The following FBXO42 variants were observed in gnomAD, a reference collection of about 807,000 sequenced individuals.
The protein encoded by FBXO42 is F-box only protein 42.
FBXO42 carries 12 observed loss-of-function variants against 71.7 expected under a neutral mutation model. That is an observed-to-expected ratio of 0.17 (90% CI 0.11 to 0.27). The LOEUF is 0.27. Ranked by LOEUF, FBXO42 falls within the 10% of genes least tolerant of loss-of-function variation. The pLI is 1.00. For synonymous variants in FBXO42, 325 were observed against 327.5 expected (o/e 0.99, Z 0.08); for missense variants, 707 against 911.9 (o/e 0.78, Z 2.89).
intron 1 of FBXO42, among the ~76,000 whole-genome samples, chr1:16,338,221 A>G (rs945275698): frequency 6.6e-6 from 1 of 151,800 alleles, no homozygotes; most frequent in Non-Finnish European, 1.5e-5. Context: ...ATCATGCTCC[A>G]CTGCACTCCA....
intron 1 of FBXO42, among the ~76,000 whole-genome samples, chr1:16,331,583 T>C (rs532374875): frequency 3.3e-5 from 5 of 150,604 alleles, no homozygotes; most frequent in African/African-American, 1.2e-4. Context: ...GGTGAAACCC[T>C]GTCTCTGCTA....
At chr1:16,259,765 CAA>C (rs562076269) in intron 4 of FBXO42, among the ~76,000 whole-genome samples, 26 of 69,886 alleles carry the variant, frequency 3.7e-4, no homozygotes, top group Non-Finnish European at 4.1e-4. Context: ...GACTCTGTCT[CAA>C]AAAAAAAAAA....
chr1:16,289,262 G>A (rs951366438), intron 4 of FBXO42, among the ~76,000 whole-genome samples: 3 of 151,924 alleles, frequency 2.0e-5, no homozygotes, highest in African/African-American at 7.2e-5. Context: ...AAAATGTCCC[G>A]ATGTGGGGGT....
At chr1:16,333,044 A>G (rs1368447799) in intron 1 of FBXO42, among the ~76,000 whole-genome samples, 1 of 152,100 alleles carries the variant, frequency 6.6e-6, no homozygotes, top group Non-Finnish European at 1.5e-5. Context: ...TCTTGCAGAA[A>G]TACCGTACTC....
chr1:16,272,929 C>A (rs975125894), intron 4 of FBXO42, among the ~76,000 whole-genome samples: 7 of 152,156 alleles, frequency 4.6e-5, no homozygotes, highest in Non-Finnish European at 1.0e-4. Flanking sequence ...ATGTAAAGTT[C>A]TTGTCTCGAT....
At chr1:16,298,141 G>A (rs563541410) in intron 3 of FBXO42, among the ~76,000 whole-genome samples, 81 of 152,082 alleles carry the variant, frequency 5.3e-4, no homozygotes, top group African/African-American at 1.9e-3. Context: ...CAGTAGAATC[G>A]CTCGAACCCG....
intron 1 of FBXO42, among the ~76,000 whole-genome samples, chr1:16,327,391 G>A (rs2082460361): frequency 6.6e-6 from 1 of 152,080 alleles, no homozygotes; most frequent in Non-Finnish European, 1.5e-5. Context: ...CTTAAGCAAA[G>A]GCATAATTAC....
Position 16,248,302 on chromosome 1 carries a change from G to C in FBXO42, c.*2368C>G, listed in dbSNP as rs1024015418. 6.6e-6 allele frequency: 1 copy of C among 152,152 alleles called. No individual in the cohort carries two copies. Among genetic ancestry groups the C allele is most frequent in the Admixed American group, 6.5e-5 (1 of 15,284 alleles). The allele number at this position is 152,152 out of a possible 1,614,324, so 9.4% of individuals were successfully genotyped here. ...GAGCTACCAAGACCAACCATAATGG[G>C]GGCAGACAAGGCAGATTTTTCTTAA... On this transcript the variant is annotated 3_prime_UTR_variant, in exon 10 of 10. Transcript: ENST00000375592.
chr1:16,272,460 T>C lies in FBXO42; in HGVS notation c.503-15701A>G, dbSNP rs1236813676. ...TTTAAGTAGAGACCGGGTTTCACCA[T>C]GTTAGTCAGGCTGGTTTCGAACTCC... On this transcript the variant is annotated intron_variant, in intron 4 of 9. Coordinates refer to ENST00000375592, the MANE Select transcript of FBXO42 (RefSeq NM_018994.3). Among the ~76,000 whole-genome samples the C allele has an allele frequency of 4.6e-5, 7 of 152,072 alleles. No homozygotes were observed. In the South Asian group the frequency reaches 1.2e-3, roughly 27 times the overall value.
chr1:16,287,190 A>G (rs924362832), intron 4 of FBXO42, among the ~76,000 whole-genome samples: 3 of 152,182 alleles, frequency 2.0e-5, no homozygotes, highest in South Asian at 2.1e-4. Flanking sequence ...TCCCTTGACT[A>G]TATCAAGCAC....
chr1:16,315,525 G>A (rs1441173517), intron 1 of FBXO42, 90 bp from the exon 2 acceptor site: 13 of 1,334,274 alleles, frequency 9.7e-6, no homozygotes, highest in Admixed American at 7.1e-5. Context: ...TTGTAATTTC[G>A]TTTCCACTCT....
chr1:16,308,272 T>A (rs1183421713), intron 2 of FBXO42, among the ~76,000 whole-genome samples: 1 of 152,148 alleles, frequency 6.6e-6, no homozygotes, highest in African/African-American at 2.4e-5. Context: ...TGAGCCACTG[T>A]GTCCAGCCTT....
chr1:16,322,080 T>G (rs547385563), intron 1 of FBXO42, among the ~76,000 whole-genome samples: 2 of 151,948 alleles, frequency 1.3e-5, no homozygotes, highest in Admixed American at 1.3e-4. Flanking sequence ...GTAAAAAAAA[T>G]TACATCATTA....
rs2100424854 is a variant in FBXO42 at position 16,252,216 on chromosome 1, A to C, written c.1038+72T>G. 2 of 1,168,458 alleles carry C rather than the reference A, an allele frequency of 1.7e-6. No individual in the cohort carries two copies. Among genetic ancestry groups the C allele is most frequent in the East Asian group, 4.7e-5 (2 of 42,230 alleles). 72.4% of individuals were successfully genotyped at this position (1,168,458 alleles called of 1,614,324 possible). ...CTATTTTTGTACAAATTTCTTTGTA[A>C]CCTGACAAAGTAATGTGGTTTTCCA... On this transcript the variant is annotated intron_variant, in intron 9 of 9. Transcript: ENST00000375592. The surrounding 1 kb of genome is among the most constrained non-coding windows in gnomAD (Gnocchi z 4.4).
chr1:16,254,198 T>C (rs77622348), intron 6 of FBXO42, among the ~76,000 whole-genome samples: 4,649 of 152,264 alleles, frequency 0.031, 216 homozygotes, highest in African/African-American at 0.11. Flanking sequence ...CAGACACTAG[T>C]GCCTAATGAG....
chr1:16,310,274 T>C (rs1029509605), intron 2 of FBXO42, among the ~76,000 whole-genome samples: 9 of 151,430 alleles, frequency 5.9e-5, no homozygotes, highest in Non-Finnish European at 5.9e-5. Context: ...AGCAGGAGAA[T>C]TCCTTGAACC....
chr1:16,276,438 C>T (rs4661733), intron 4 of FBXO42, among the ~76,000 whole-genome samples: 41,213 of 150,924 alleles, frequency 0.27, 6,514 homozygotes, highest in Non-Finnish European at 0.37. Context: ...GAGAAACTGG[C>T]CTGATCCTAA....
chr1:16,319,017 T>C (rs954959555), intron 1 of FBXO42, among the ~76,000 whole-genome samples: 2 of 152,186 alleles, frequency 1.3e-5, no homozygotes, highest in Non-Finnish European at 2.9e-5. Flanking sequence ...AATACATTTA[T>C]TTCTCTTGCT....
At chr1:16,260,719 G>A (rs1216328111) in intron 4 of FBXO42, among the ~76,000 whole-genome samples, 1 of 150,718 alleles carries the variant, frequency 6.6e-6, no homozygotes, top group Non-Finnish European at 1.5e-5. Context: ...TTTTTGAGAT[G>A]AGGTCTCACT....
Sources: allele counts gnomAD v4.1 joint callset (sites outside exome capture counted in the v4.1 genomes callset), GRCh38; gene constraint gnomAD v4.1.1; non-coding constraint Gnocchi (gnomAD v3.1); transcripts MANE v1.5; gene names NCBI Gene and HGNC (gene_info 2026-07-23, HGNC 2026-07-21).